The following CNOT10 variants were observed in gnomAD, a reference collection of about 807,000 sequenced individuals.
CNOT10 encodes CCR4-NOT transcription complex, subunit 10.
Under a neutral mutation model 94.6 loss-of-function variants are expected in CNOT10, and 30 were observed. That is an observed-to-expected ratio of 0.32 (90% confidence interval 0.24 to 0.43). The LOEUF (loss-of-function observed/expected upper bound fraction) is 0.43, where lower values mean the gene tolerates loss of function less well. Ranked by LOEUF, CNOT10 falls within the 20% of genes least tolerant of loss-of-function variation. The pLI is 1.00. For synonymous variants in CNOT10, 289 were observed against 301.6 expected (o/e 0.96, Z 0.43); for missense variants, 759 against 877.2 (o/e 0.87, Z 1.70).
At chr3:32,761,900 G>A (rs1237560519) in intron 14 of CNOT10, among the ~76,000 whole-genome samples, 1 of 151,402 alleles carries the variant, frequency 6.6e-6, no homozygotes, top group Non-Finnish European at 1.5e-5. Context: ...AGCCTCCCAA[G>A]TAGCTGGGAT....
chr3:32,751,261 C>T (rs1018090470), intron 13 of CNOT10, among the ~76,000 whole-genome samples: 1 of 151,966 alleles, frequency 6.6e-6, no homozygotes, highest in African/African-American at 2.4e-5. Context: ...CCACCATGCT[C>T]TGCTAATTTT....
chr3:32,745,469 ATT>A (rs72391240), intron 13 of CNOT10, among the ~76,000 whole-genome samples: 150,124 of 152,220 alleles, frequency 0.99, 74,071 homozygotes, highest in East Asian at 1. Context: ...TCAATTAAGG[ATT>A]GAATAAACAT....
intron 18 of CNOT10, 106 bp downstream of exon 18, chr3:32,770,068 C>T: frequency 1.2e-6 from 1 of 809,918 alleles, no homozygotes; most frequent in South Asian, 1.4e-5. Context: ...TGCAGTGGTA[C>T]CATCAGAGCT....
intron 13 of CNOT10, among the ~76,000 whole-genome samples, chr3:32,754,489 A>ATATATATATATATATAT (rs1553637887): frequency 1.4e-5 from 1 of 70,214 alleles, no homozygotes; most frequent in Non-Finnish European, 2.2e-5. Context: ...AAAAAAAAAA[A>ATATATATATATATATAT]ATACATATAT....
At chr3:32,688,711 A>G (rs1015596508) in intron 1 of CNOT10, among the ~76,000 whole-genome samples, 14 of 152,170 alleles carry the variant, frequency 9.2e-5, no homozygotes, top group African/African-American at 2.2e-4. Context: ...GCCTGAGGCC[A>G]GGAGTTTGAG....
At chr3:32,693,276 G>A (rs1696922214) in intron 1 of CNOT10, among the ~76,000 whole-genome samples, 1 of 151,908 alleles carries the variant, frequency 6.6e-6, no homozygotes, top group Non-Finnish European at 1.5e-5. Context: ...GAGTACAGGG[G>A]CATGATCTTG....
chr3:32,764,415 T>C (rs1700579760), intron 15 of CNOT10, 40 bp from the exon 16 acceptor site: 2 of 1,606,358 alleles, frequency 1.2e-6, no homozygotes, highest in Admixed American at 1.7e-5. Flanking sequence ...AAATATGCTC[T>C]GTTGTTCTGC....
intron 5 of CNOT10, 24 bp downstream of exon 5, chr3:32,713,393 C>A (rs1244322091): frequency 5.2e-6 from 8 of 1,533,200 alleles, no homozygotes; most frequent in Non-Finnish European, 7.0e-6. Flanking sequence ...GGTGATCAGA[C>A]TAAAATCTAA....
At chr3:32,706,874 G>A (rs955019650) in intron 3 of CNOT10, among the ~76,000 whole-genome samples, 1 of 152,198 alleles carries the variant, frequency 6.6e-6, no homozygotes. Flanking sequence ...TCATTGAGAT[G>A]CACATGTTGG....
At chr3:32,732,952 G>A (rs541834679) in intron 10 of CNOT10, among the ~76,000 whole-genome samples, 1 of 152,264 alleles carries the variant, frequency 6.6e-6, no homozygotes, top group East Asian at 1.9e-4. Context: ...ACCACGTACA[G>A]CTTATTAAAG....
chr3:32,767,704 G>A (rs1199407746), intron 17 of CNOT10, among the ~76,000 whole-genome samples: 2 of 152,064 alleles, frequency 1.3e-5, no homozygotes, highest in Non-Finnish European at 2.9e-5. Context: ...GTGACAGGCT[G>A]TCCAGGGTAA....
intron 10 of CNOT10, among the ~76,000 whole-genome samples, chr3:32,728,488 C>A (rs1327342448): frequency 6.6e-6 from 1 of 151,846 alleles, no homozygotes; most frequent in Non-Finnish European, 1.5e-5. Flanking sequence ...CAGTGAGCGC[C>A]TGTAGTCCCA....
chr3:32,756,501 A>G (rs1395204085), intron 13 of CNOT10, among the ~76,000 whole-genome samples: 2 of 152,180 alleles, frequency 1.3e-5, no homozygotes, highest in Non-Finnish European at 2.9e-5. Flanking sequence ...AGGCCAGGGC[A>G]GGCATTTCCC....
At chr3:32,726,696 TAATA>T in intron 9 of CNOT10, among the ~76,000 whole-genome samples, 1 of 20,468 alleles carries the variant, frequency 4.9e-5, no homozygotes, top group South Asian at 2.7e-3. Flanking sequence ...ACTCTGTCCA[TAATA>T]ATAATAATAA....
At chr3:32,741,241 T>C (rs1040902955) in intron 13 of CNOT10, among the ~76,000 whole-genome samples, 2 of 152,206 alleles carry the variant, frequency 1.3e-5, no homozygotes, top group Non-Finnish European at 2.9e-5. Flanking sequence ...GTTTGCTGAG[T>C]AAATCAATTG....
Position 32,773,466 on chromosome 3 carries a change from A to G in CNOT10, c.2090A>G (p.Gln697Arg). Reference sequence around the variant, plus strand: ...GGAAGTGTTTTTATAGGTAATACTCAGCTGGCCTTACAGATCATCAAAAGG... The same window carrying G: ...GGAAGTGTTTTTATAGGTAATACTCGGCTGGCCTTACAGATCATCAAAAGG... ...VYLELQNGNT[Q>R]LALQIIKRNQ... is the part of the protein sequence containing the mutation. The change falls in exon 19 of 19, where the codon CAG (glutamine) becomes CGG (arginine). Residue 697 changes from glutamine (Q) to arginine (R), a missense_variant. Gln to Arg is a conservative substitution (Grantham distance 43). This residue lies in a region of CNOT10 where 73 missense variants were observed against 61.0 expected (regional missense o/e 1.20). Coordinates refer to ENST00000328834, the MANE Select transcript of CNOT10 (RefSeq NM_015442.3). 1 of 1,613,028 alleles carries G rather than the reference A, an allele frequency of 6.2e-7. No individual in the cohort carries two copies. The highest frequency in any genetic ancestry group is 2.2e-5 in the East Asian group (1 of 44,864).
intron 18 of CNOT10, among the ~76,000 whole-genome samples, chr3:32,771,605 A>G (rs1037372516): frequency 1.3e-5 from 2 of 152,106 alleles, no homozygotes; most frequent in African/African-American, 2.4e-5. Flanking sequence ...GTCTCAAATA[A>G]TAATAATAAT....
At chr3:32,742,316 T>C (rs1299088187) in intron 13 of CNOT10, among the ~76,000 whole-genome samples, 1 of 152,174 alleles carries the variant, frequency 6.6e-6, no homozygotes, top group Non-Finnish European at 1.5e-5. Flanking sequence ...ATTGTGATTT[T>C]TATTTGCATT....
Position 32,733,446 on chromosome 3 carries a change from C to T in CNOT10, c.1239C>T (p.Gly413=). Residue 413 remains glycine, a synonymous_variant, in exon 11 of 19, where the codon GGC becomes GGT. Transcript: ENST00000328834. ...NKGTSEQETK[G]LPSKKGIVQS... ...AGACTTCTGAACAAGAAACTAAAGG[C>T]CTTCCCAGCAAAAAAGGAATTGTAC... The T allele has an allele frequency of 6.3e-7, 1 of 1,593,412 alleles. No individual in the cohort carries two copies. Among genetic ancestry groups the T allele is most frequent in the Non-Finnish European group, 8.6e-7 (1 of 1,168,154 alleles).
Sources: allele counts gnomAD v4.1 joint callset (sites outside exome capture counted in the v4.1 genomes callset), GRCh38; gene constraint gnomAD v4.1.1; regional missense constraint gnomAD v4.1.1; transcripts MANE v1.5; gene names NCBI Gene and HGNC (gene_info 2026-07-23, HGNC 2026-07-21).